Variants in CHN1 observed in about 807,000 individuals in gnomAD.
CHN1 encodes chimerin 1, also known as N-chimaerin.
Under a neutral mutation model 59.5 loss-of-function variants are expected in CHN1, and 37 were observed. That is an observed-to-expected ratio of 0.62 (90% confidence interval 0.48 to 0.82). The LOEUF (loss-of-function observed/expected upper bound fraction) is 0.82. Among genes scored for constraint, CHN1 ranks in the 40% least tolerant of loss-of-function variants. The pLI is 0.00. For missense variants in CHN1, 469 were observed against 571.0 expected (o/e 0.82, Z 1.82); for synonymous variants, 206 against 200.4 (o/e 1.03, Z -0.24).
chr2:174,994,523 G>A (rs779731940), intron 1 of CHN1, among the ~76,000 whole-genome samples: 1 of 152,118 alleles, frequency 6.6e-6, no homozygotes, highest in Non-Finnish European at 1.5e-5. Flanking sequence ...TTCCCATTAG[G>A]GAACTTCATC....
At chr2:174,947,660 T>G (rs1689888442) in intron 2 of CHN1, among the ~76,000 whole-genome samples, 1 of 151,886 alleles carries the variant, frequency 6.6e-6, no homozygotes, top group African/African-American at 2.4e-5. Context: ...ATTTTTGTAT[T>G]TTTTATAGAG....
intron 2 of CHN1, among the ~76,000 whole-genome samples, chr2:174,945,702 A>T (rs1007317246): frequency 3.3e-5 from 5 of 152,052 alleles, no homozygotes; most frequent in African/African-American, 1.2e-4. Context: ...ATATAATCAC[A>T]TATAATTTAA....
intron 1 of CHN1, among the ~76,000 whole-genome samples, chr2:174,993,333 CA>C (rs35129880): frequency 0.43 from 65,282 of 151,878 alleles, 14,444 homozygotes; most frequent in Admixed American, 0.51. Context: ...ATAGTCTGGA[CA>C]ACCTATCATG....
At chr2:174,834,182 T>G (rs533169389) in intron 7 of CHN1, among the ~76,000 whole-genome samples, 1 of 152,344 alleles carries the variant, frequency 6.6e-6, no homozygotes, top group South Asian at 2.1e-4. Context: ...ATCCTATACA[T>G]GAATATACTT....
intron 1 of CHN1, among the ~76,000 whole-genome samples, chr2:174,968,170 A>G (rs1319334248): frequency 6.6e-6 from 1 of 152,226 alleles, no homozygotes; most frequent in Non-Finnish European, 1.5e-5. Flanking sequence ...TAAGGCTCCT[A>G]TTACTAATAC....
chr2:174,819,414 A>G (rs7602812), intron 8 of CHN1, among the ~76,000 whole-genome samples: 2,347 of 152,292 alleles, frequency 0.015, 57 homozygotes, highest in African/African-American at 0.053. Context: ...AATAACCAAC[A>G]TTAAACTGAT....
At chr2:174,953,488 G>A (rs1171867308) in intron 1 of CHN1, among the ~76,000 whole-genome samples, 1 of 152,250 alleles carries the variant, frequency 6.6e-6, no homozygotes, top group East Asian at 1.9e-4. Flanking sequence ...TCAAACTGTT[G>A]TTGTTTGCTG....
At chr2:174,972,902 C>A (rs1366738182) in intron 1 of CHN1, among the ~76,000 whole-genome samples, 1 of 152,108 alleles carries the variant, frequency 6.6e-6, no homozygotes, top group Non-Finnish European at 1.5e-5. Flanking sequence ...ACATATTCTC[C>A]AAATTTTAAA....
rs1691641510 is a variant in CHN1, at chr2:174,994,467, G to A, written c.19+10427C>T. On this transcript the variant is annotated intron_variant, in intron 1 of 12. Coordinates refer to ENST00000409900, the MANE Select transcript of CHN1 (RefSeq NM_001822.7). Reference sequence around the variant, plus strand: ...TTTATTGAGTAGCTGGTATGCAGCAGACACTGTGGCGGTTGTTAAATATAC... The same window carrying A: ...TTTATTGAGTAGCTGGTATGCAGCAAACACTGTGGCGGTTGTTAAATATAC... 1.3e-5 allele frequency among the ~76,000 whole-genome samples: 2 copies of A among 152,140 alleles called. 1 individual carries two copies. The highest frequency in any genetic ancestry group is 4.8e-5 in the African/African-American group (2 of 41,398).
intron 7 of CHN1, chr2:174,846,451 A>T: frequency 3.3e-6 from 5 of 1,524,592 alleles, no homozygotes; most frequent in Non-Finnish European, 4.4e-6. Flanking sequence ...TGAGAAATGC[A>T]AACCATCTGC....
intron 5 of CHN1, among the ~76,000 whole-genome samples, chr2:174,908,549 T>C (rs1422464851): frequency 6.6e-6 from 1 of 152,204 alleles, no homozygotes; most frequent in Non-Finnish European, 1.5e-5. Flanking sequence ...CAGACTGCCA[T>C]ACACGAAATG....
chr2:174,937,618 T>C (rs746924483), intron 3 of CHN1, among the ~76,000 whole-genome samples: 1 of 152,078 alleles, frequency 6.6e-6, no homozygotes, highest in Non-Finnish European at 1.5e-5. Context: ...CCAAATCTCA[T>C]GTTGAAATAT....
intron 1 of CHN1, among the ~76,000 whole-genome samples, chr2:174,968,823 GAAGT>G (rs911550483): frequency 3.9e-5 from 6 of 152,220 alleles, no homozygotes; most frequent in African/African-American, 1.4e-4. Context: ...TTCAAAAGTG[GAAGT>G]ATTTTTATAA....
Position 174,951,002 on chromosome 2 carries a change from C to T in CHN1, c.58+1162G>A, listed in dbSNP as rs550397376. On this transcript the variant is annotated intron_variant, in intron 2 of 12. Transcript: ENST00000409900. The stretch of plus-strand genomic sequence containing the variant: ...CCATGTTGGCCAGGCTAGTCTCAAA[C>T]TCCTGACCTCAGGCAATCCGCCTGC... 3.9e-5 allele frequency among the ~76,000 whole-genome samples: 6 copies of T among 152,224 alleles called. No individual in the cohort carries two copies. The East Asian group carries it at 9.7e-4, about 25-fold the overall frequency.
intron 1 of CHN1, among the ~76,000 whole-genome samples, chr2:174,980,299 A>T (rs1691101256): frequency 6.6e-6 from 1 of 152,158 alleles, no homozygotes; most frequent in Admixed American, 6.5e-5. Context: ...TTGAAAACAA[A>T]ATACAAAAAA....
At chr2:174,929,235 TA>T (rs1473275252) in intron 3 of CHN1, among the ~76,000 whole-genome samples, 3 of 152,170 alleles carry the variant, frequency 2.0e-5, no homozygotes, top group Non-Finnish European at 4.4e-5. Context: ...ACTAATTCAA[TA>T]AAGAATATTT....
At chr2:174,847,180 T>C (rs1209249576) in intron 6 of CHN1, 1 of 1,514,750 alleles carries the variant, frequency 6.6e-7, no homozygotes, top group African/African-American at 1.4e-5. Flanking sequence ...TGTCTGTCGA[T>C]GATATCTATT....
chr2:174,847,801 A>AAAAAAAATAAAAAAAAAAAC (rs1686585958), intron 6 of CHN1: 1 of 495,406 alleles, frequency 2.0e-6, no homozygotes, highest in African/African-American at 2.2e-5. Context: ...AAAAAAAAAA[A>AAAAAAAATAAAAAAAAAAAC]TCAGTGGGAA....
At chr2:174,834,653 TCCC>T (rs962797602) in intron 7 of CHN1, among the ~76,000 whole-genome samples, 23 of 151,998 alleles carry the variant, frequency 1.5e-4, no homozygotes, top group African/African-American at 4.8e-5. Context: ...GTAATGTGCA[TCCC>T]CCCAACTGCT....
Sources: allele counts gnomAD v4.1 joint callset (sites outside exome capture counted in the v4.1 genomes callset), GRCh38; gene constraint gnomAD v4.1.1; transcripts MANE v1.5; gene names NCBI Gene and HGNC (gene_info 2026-07-23, HGNC 2026-07-21).